Variants in LPXN observed in about 807,000 individuals in gnomAD.
LPXN encodes leupaxin.
In LPXN, 28 loss-of-function variants were observed where a neutral mutation model predicts 45.6. That is an observed-to-expected ratio of 0.61 (90% confidence interval 0.45 to 0.84). The LOEUF (loss-of-function observed/expected upper bound fraction) is 0.84. Ranked by LOEUF, LPXN falls within the 40% of genes least tolerant of loss-of-function variation. The probability of loss-of-function intolerance (pLI) is 0.00; values close to 1 mark genes in which losing one functional copy is unlikely to be tolerated. For missense variants in LPXN, 459 were observed against 475.0 expected, an observed-to-expected ratio of 0.97 and a Z score of 0.31; for synonymous variants, 166 against 169.9, an observed-to-expected ratio of 0.98 and a Z score of 0.18.
At chr11:58,538,021 C>T (rs891854531) in intron 7 of LPXN, among the ~76,000 whole-genome samples, 6 of 148,528 alleles carry the variant, frequency 4.0e-5, no homozygotes, top group East Asian at 2.0e-4. Context: ...GAACATGTGG[C>T]GTTTGGTTTT....
intron 1 of LPXN, among the ~76,000 whole-genome samples, chr11:58,572,018 T>C (rs1854718467): frequency 2.0e-5 from 3 of 152,186 alleles, no homozygotes; most frequent in South Asian, 4.1e-4. Context: ...AGTTTCCTCA[T>C]CTACATAACA....
upstream of LPXN, among the ~76,000 whole-genome samples, chr11:58,578,859 C>T (rs1206066642): frequency 6.6e-6 from 1 of 151,246 alleles, no homozygotes; most frequent in Admixed American, 6.6e-5. Context: ...AAAAAGGTCA[C>T]TTTGGGATTG....
intron 3 of LPXN, among the ~76,000 whole-genome samples, chr11:58,556,187 G>A (rs996409422): frequency 2.0e-5 from 3 of 151,940 alleles, no homozygotes; most frequent in Admixed American, 6.6e-5. Flanking sequence ...AACAAGTCAT[G>A]GCTAGGTGGT....
chr11:58,545,439 AC>A (rs1853849239), intron 7 of LPXN, among the ~76,000 whole-genome samples: 1 of 152,186 alleles, frequency 6.6e-6, no homozygotes, highest in Admixed American at 6.5e-5. Flanking sequence ...TAATTCTCAG[AC>A]TTTTATGGCT....
At chr11:58,529,236 C>T (rs1014914002) in intron 7 of LPXN, among the ~76,000 whole-genome samples, 9 of 152,108 alleles carry the variant, frequency 5.9e-5, no homozygotes, top group African/African-American at 1.9e-4. Context: ...AGACAAATAA[C>T]AATCTGAAGA....
At chr11:58,543,592 C>CA (rs1192891768) in intron 7 of LPXN, among the ~76,000 whole-genome samples, 1 of 152,074 alleles carries the variant, frequency 6.6e-6, no homozygotes, top group African/African-American at 2.4e-5. Context: ...TTAACAAATG[C>CA]AAAAAGACAG....
At chr11:58,537,928 C>T (rs1294886540) in intron 7 of LPXN, among the ~76,000 whole-genome samples, 2 of 114,752 alleles carry the variant, frequency 1.7e-5, no homozygotes, top group Non-Finnish European at 3.5e-5. Flanking sequence ...CCCCCTCCCC[C>T]CACCCCACAA....
At chr11:58,551,975 G>A (rs1854065313) in intron 4 of LPXN, among the ~76,000 whole-genome samples, 1 of 152,206 alleles carries the variant, frequency 6.6e-6, no homozygotes, top group Non-Finnish European at 1.5e-5. Flanking sequence ...AGCAGAGGGA[G>A]TGAGATTGAA....
chr11:58,558,444 G>A (rs1368125592), intron 3 of LPXN, among the ~76,000 whole-genome samples: 2 of 149,684 alleles, frequency 1.3e-5, no homozygotes, highest in African/African-American at 4.9e-5. Context: ...GGCTGGGGCA[G>A]GAGGATCACT....
At chr11:58,528,551 C>T (rs536243520) in intron 7 of LPXN, among the ~76,000 whole-genome samples, 1 of 152,260 alleles carries the variant, frequency 6.6e-6, no homozygotes, top group East Asian at 1.9e-4. Flanking sequence ...TCTCTTCAGT[C>T]CCTCCTTGTC....
intron 4 of LPXN, among the ~76,000 whole-genome samples, chr11:58,553,209 G>A (rs1174335859): frequency 1.3e-5 from 2 of 151,762 alleles, no homozygotes; most frequent in Non-Finnish European, 2.9e-5. Context: ...GGTGGCACAC[G>A]CCTGTAATCA....
chr11:58,570,700 C>T lies in LPXN; in HGVS notation c.27G>A (p.Glu9=). The change falls in exon 2 of 9, where the codon GAG becomes GAA. Residue 9 remains glutamate, a synonymous_variant. Transcript: ENST00000395074. MEELDALL[E]ELERSTLQDS... ...CCTGAAGGGTGGAGCGTTCCAGTTC[C>T]TCCAATAAGGCATCTACACCATAAG... is the stretch of plus-strand genomic sequence containing the variant. 6.2e-7 allele frequency: 1 copy of T among 1,610,284 alleles called. No homozygotes were observed. Among genetic ancestry groups the T allele is most frequent in the Non-Finnish European group, 8.5e-7 (1 of 1,177,660 alleles).
At chr11:58,529,503 G>T (rs1853321606) in intron 7 of LPXN, among the ~76,000 whole-genome samples, 1 of 151,674 alleles carries the variant, frequency 6.6e-6, no homozygotes, top group South Asian at 2.1e-4. Flanking sequence ...CCAGCTACTT[G>T]GGAGGCTGAG....
At chr11:58,553,140 A>C (rs1854098292) in intron 4 of LPXN, among the ~76,000 whole-genome samples, 1 of 152,130 alleles carries the variant, frequency 6.6e-6, no homozygotes, top group African/African-American at 2.4e-5. Flanking sequence ...GTTTGAGACC[A>C]GTCTGGGCAA....
At chr11:58,537,345 G>A (rs1398789836) in intron 7 of LPXN, among the ~76,000 whole-genome samples, 2 of 152,200 alleles carry the variant, frequency 1.3e-5, no homozygotes, top group Non-Finnish European at 2.9e-5. Flanking sequence ...AAAAGAATGA[G>A]TTCATGTCCT....
intron 1 of LPXN, among the ~76,000 whole-genome samples, chr11:58,570,963 G>T (rs1187163191): frequency 6.6e-6 from 1 of 152,116 alleles, no homozygotes; most frequent in Non-Finnish European, 1.5e-5. Context: ...ATAGTCTCAT[G>T]CTATAATTTG....
chr11:58,541,461 A>C lies in LPXN; in HGVS notation c.742+8325T>G, dbSNP rs188948587. 3.0e-3 allele frequency among the ~76,000 whole-genome samples: 463 copies of C among 152,280 alleles called. 4 individuals carry two copies. Among genetic ancestry groups the C allele is most frequent in the Admixed American group, 3.3e-3 (50 of 15,292 alleles). On this transcript the variant is annotated intron_variant, in intron 7 of 8. Transcript: ENST00000395074. The stretch of plus-strand genomic sequence containing the variant: ...AAAATGCTCATCATCACTGGCCATC[A>C]GAGAAATGCAAATCAAAACCACAAT...
At chr11:58,530,912 G>C (rs1218668851) in intron 7 of LPXN, among the ~76,000 whole-genome samples, 1 of 152,224 alleles carries the variant, frequency 6.6e-6, no homozygotes, top group African/African-American at 2.4e-5. Context: ...CAGGCAAACA[G>C]GGTCTGGAGT....
intron 7 of LPXN, 32 bp downstream of exon 7, chr11:58,549,754 T>C (rs1005334815): frequency 1.3e-6 from 2 of 1,572,568 alleles, no homozygotes; most frequent in African/African-American, 2.7e-5. Flanking sequence ...CCCACTGGGG[T>C]GTGGGATACA....
Sources: allele counts gnomAD v4.1 joint callset (sites outside exome capture counted in the v4.1 genomes callset), GRCh38; gene constraint gnomAD v4.1.1; transcripts MANE v1.5; gene names NCBI Gene and HGNC (gene_info 2026-07-23, HGNC 2026-07-21).